EIF4E: variants seen among roughly 807,000 people sequenced by gnomAD.
EIF4E encodes eukaryotic translation initiation factor 4E.
For synonymous variants in EIF4E, 71 were observed against 88.5 expected (o/e 0.80, Z 1.11); for missense variants, 113 against 265.6 (o/e 0.43, Z 3.99).
At chr4:98,922,360 A>T (rs1343973054) in intron 1 of EIF4E, among the ~76,000 whole-genome samples, 1 of 152,162 alleles carries the variant, frequency 6.6e-6, no homozygotes, top group African/African-American at 2.4e-5. Flanking sequence ...GTTCGAGACC[A>T]GCCTGGCCAA....
At chr4:98,923,156 T>C (rs1725723930) in intron 1 of EIF4E, among the ~76,000 whole-genome samples, 1 of 151,344 alleles carries the variant, frequency 6.6e-6, no homozygotes, top group Non-Finnish European at 1.5e-5. Flanking sequence ...CGGCCCATTT[T>C]CCTACTGTTT....
In EIF4E at chr4:98,914,318, G is replaced by T. The variant is rs147236142; in HGVS notation, c.19-12336C>A. ...TTGCAGGTTGCAGTGACCTGAGACC[G>T]TGCCACTGCACTCCAGCCTGGCAAC... On this transcript the variant is annotated intron_variant, in intron 1 of 6. Coordinates refer to ENST00000450253, the MANE Select transcript of EIF4E (RefSeq NM_001968.5). 3.2e-5 allele frequency among the ~76,000 whole-genome samples: 4 copies of T among 124,738 alleles called. No homozygotes were observed. The East Asian group carries it at 1.1e-3, about 34-fold the overall frequency. The allele number at this position is 124,738 out of a possible 152,430, so 81.8% of individuals were successfully genotyped here. A position where few individuals can be genotyped will look rare whatever the true frequency, so the allele number is the denominator to read the frequency against.
intron 2 of EIF4E, 82 bp downstream of exon 2, chr4:98,901,794 A>T: frequency 7.8e-7 from 1 of 1,285,320 alleles, no homozygotes; most frequent in Non-Finnish European, 1.1e-6. Flanking sequence ...TAGTCTCATA[A>T]TCTAACTTTC....
intron 2 of EIF4E, among the ~76,000 whole-genome samples, chr4:98,901,095 G>A (rs1349729374): frequency 6.6e-6 from 1 of 152,056 alleles, no homozygotes; most frequent in Non-Finnish European, 1.5e-5. Context: ...TCAATCCAAT[G>A]GATATTTTGA....
intron 1 of EIF4E, among the ~76,000 whole-genome samples, chr4:98,916,714 C>T (rs1313151355): frequency 6.6e-6 from 1 of 152,140 alleles, no homozygotes; most frequent in African/African-American, 2.4e-5. Flanking sequence ...TGAAACTTGA[C>T]TTCAGAATCC....
rs896405729 is a variant in EIF4E, at chr4:98,911,759, T to G, written c.19-9777A>C. Among the ~76,000 whole-genome samples the G allele has an allele frequency of 4.0e-5, 6 of 151,186 alleles. No individual in the cohort carries two copies. The East Asian group carries it at 1.2e-3, about 29-fold the overall frequency. On this transcript the variant is annotated intron_variant, in intron 1 of 6. Coordinates refer to ENST00000450253, the MANE Select transcript of EIF4E (RefSeq NM_001968.5). ...GAACATTCTTAAGGGAGCACTAACA[T>G]GTACCTACTGATCAAATTACTTTGC...
At chr4:98,893,144 A>C (rs959933204) in intron 2 of EIF4E, among the ~76,000 whole-genome samples, 2 of 144,260 alleles carry the variant, frequency 1.4e-5, no homozygotes, top group African/African-American at 4.9e-5. Context: ...ATAGCATTAC[A>C]TCTAAAAAAA....
intron 6 of EIF4E, among the ~76,000 whole-genome samples, chr4:98,883,769 T>A (rs552959546): frequency 6.6e-6 from 1 of 152,002 alleles, no homozygotes; most frequent in Non-Finnish European, 1.5e-5. Flanking sequence ...TGGTTTAGCA[T>A]GGTGGCTCAC....
At chr4:98,928,393 A>T (rs1394221828) in intron 1 of EIF4E, among the ~76,000 whole-genome samples, 1 of 151,978 alleles carries the variant, frequency 6.6e-6, no homozygotes, top group Non-Finnish European at 1.5e-5. Context: ...ACCGTGACAC[A>T]CGAGTGTTCC....
intron 1 of EIF4E, among the ~76,000 whole-genome samples, chr4:98,911,816 A>T (rs951640515): frequency 6.6e-6 from 1 of 151,208 alleles, no homozygotes; most frequent in African/African-American, 2.4e-5. Flanking sequence ...AACATCACAA[A>T]TTCAGTCTGG....
intron 1 of EIF4E, among the ~76,000 whole-genome samples, chr4:98,928,250 G>A (rs1195023546): frequency 1.3e-5 from 2 of 152,010 alleles, no homozygotes; most frequent in African/African-American, 4.8e-5. Context: ...AAGCCGACCG[G>A]CTACAGCGAT....
At chr4:98,901,260 C>T (rs1013991177) in intron 2 of EIF4E, among the ~76,000 whole-genome samples, 3 of 150,766 alleles carry the variant, frequency 2.0e-5, no homozygotes, top group Non-Finnish European at 2.9e-5. Flanking sequence ...GGCAATGGCG[C>T]GATCTCAGTT....
At position 98,891,340 on chromosome 4, in the gene EIF4E, T is replaced by A; in HGVS notation, c.126-8A>T. ...AAAAACCAGAGTGCCCATCTAAAAA[T>A]AAAAAATCAGTGTCAAAAAATGGTA... On this transcript the variant is annotated splice_region_variant and splice_polypyrimidine_tract_variant and intron_variant, in intron 2 of 6. Coordinates refer to ENST00000450253, the MANE Select transcript of EIF4E (RefSeq NM_001968.5). 6.2e-7 allele frequency: 1 copy of A among 1,609,596 alleles called. No individual in the cohort carries two copies. Among genetic ancestry groups the A allele is most frequent in the Non-Finnish European group, 8.5e-7 (1 of 1,178,264 alleles).
At chr4:98,927,095 G>T (rs920305950) in intron 1 of EIF4E, among the ~76,000 whole-genome samples, 2 of 152,100 alleles carry the variant, frequency 1.3e-5, no homozygotes, top group South Asian at 2.1e-4. Context: ...CTGTCAAGGG[G>T]TTTAAAATGT....
intron 2 of EIF4E, among the ~76,000 whole-genome samples, chr4:98,893,533 A>C (rs1275168910): frequency 6.6e-6 from 1 of 152,234 alleles, no homozygotes; most frequent in Non-Finnish European, 1.5e-5. Flanking sequence ...TTCACCAGGA[A>C]TAGATTCCAT....
chr4:98,889,314 C>T (rs963646704), intron 3 of EIF4E, among the ~76,000 whole-genome samples: 2 of 152,104 alleles, frequency 1.3e-5, no homozygotes, highest in African/African-American at 2.4e-5. Flanking sequence ...TCAATGACAG[C>T]CTCCACTAGG....
intron 6 of EIF4E, among the ~76,000 whole-genome samples, chr4:98,884,530 C>T (rs1285796648): frequency 1.3e-5 from 2 of 152,050 alleles, no homozygotes; most frequent in Admixed American, 1.3e-4. Flanking sequence ...GTGGCAAAAC[C>T]TGGTCTCTAC....
intron 3 of EIF4E, among the ~76,000 whole-genome samples, chr4:98,889,558 T>A (rs1266665239): frequency 6.6e-6 from 1 of 152,144 alleles, no homozygotes; most frequent in Non-Finnish European, 1.5e-5. Context: ...AAGGACTCAA[T>A]GGTTATCTGC....
chr4:98,902,823 C>A (rs932297293), intron 1 of EIF4E, among the ~76,000 whole-genome samples: 1 of 151,988 alleles, frequency 6.6e-6, no homozygotes. Flanking sequence ...CTGGGCAACA[C>A]GGCAAGACCC....
Sources: allele counts gnomAD v4.1 joint callset (sites outside exome capture counted in the v4.1 genomes callset), GRCh38; gene constraint gnomAD v4.1.1; transcripts MANE v1.5; gene names NCBI Gene and HGNC (gene_info 2026-07-23, HGNC 2026-07-21).